Variants in RBFOX1 observed in about 807,000 individuals in gnomAD.
The protein encoded by RBFOX1 is RNA binding fox-1 homolog 1, also known as RNA binding protein fox-1 homolog 1.
In RBFOX1, 8 loss-of-function variants were observed where a neutral mutation model predicts 57.7. That is an observed-to-expected ratio of 0.14 (90% CI 0.08 to 0.25). RBFOX1 has a LOEUF of 0.25. RBFOX1 is among the 10% of genes least tolerant of loss of function. The pLI, the probability that RBFOX1 is intolerant of heterozygous loss-of-function variation, is 1.00. For synonymous variants in RBFOX1, 326 were observed against 222.4 expected (o/e 1.47, Z -4.15); for missense variants, 611 against 548.5 (o/e 1.11, Z -1.14).
At chr16:6,169,473 A>G (rs940459317) in intron 1 of RBFOX1, among the ~76,000 whole-genome samples, 1 of 152,200 alleles carries the variant, frequency 6.6e-6, no homozygotes, top group Non-Finnish European at 1.5e-5. Flanking sequence ...AATTAAATTT[A>G]AAGGAGTTAA....
intron 4 of RBFOX1, among the ~76,000 whole-genome samples, chr16:7,154,578 T>G (rs1260183549): frequency 2.0e-5 from 3 of 152,142 alleles, no homozygotes; most frequent in Non-Finnish European, 4.4e-5. Flanking sequence ...CTATTTATAT[T>G]TAAACTTGAA....
intron 1 of RBFOX1, among the ~76,000 whole-genome samples, chr16:5,344,742 AT>A (rs1200558628): frequency 1.3e-5 from 2 of 152,212 alleles, no homozygotes; most frequent in African/African-American, 4.8e-5. Flanking sequence ...GTTGAAAAAA[AT>A]ATAACTTCAT....
intron 11 of RBFOX1, among the ~76,000 whole-genome samples, chr16:7,635,233 G>A (rs965103696): frequency 2.6e-5 from 4 of 152,142 alleles, no homozygotes; most frequent in Admixed American, 1.3e-4. Context: ...GTAAATCATT[G>A]GTTCCATGAA....
intron 1 of RBFOX1, among the ~76,000 whole-genome samples, chr16:6,202,815 T>C (rs1001488711): frequency 2.6e-5 from 4 of 152,072 alleles, no homozygotes; most frequent in Non-Finnish European, 5.9e-5. Flanking sequence ...TGAGACAGGA[T>C]CTCATTCTGT....
chr16:7,459,379 A>G (rs1191395014), intron 4 of RBFOX1, among the ~76,000 whole-genome samples: 1 of 152,212 alleles, frequency 6.6e-6, no homozygotes, highest in African/African-American at 2.4e-5. Context: ...GTACAAAAGT[A>G]TGTTTGGTTC....
chr16:5,713,222 C>A (rs912522980), intron 3 of RBFOX1, among the ~76,000 whole-genome samples: 4 of 152,122 alleles, frequency 2.6e-5, no homozygotes, highest in African/African-American at 7.2e-5. Flanking sequence ...TCTTTTGTTA[C>A]TCGAGGCCAA....
intron 3 of RBFOX1, among the ~76,000 whole-genome samples, chr16:6,926,031 G>A (rs61556932): frequency 6.6e-6 from 1 of 152,008 alleles, no homozygotes; most frequent in Non-Finnish European, 1.5e-5. Context: ...CTTGCTGGCT[G>A]GGCTTGGTGG....
At chr16:7,226,055 A>G (rs1371443151) in intron 4 of RBFOX1, among the ~76,000 whole-genome samples, 1 of 151,934 alleles carries the variant, frequency 6.6e-6, no homozygotes, top group Non-Finnish European at 1.5e-5. Flanking sequence ...ATTTCATGTC[A>G]TATTCTCTCC....
intron 1 of RBFOX1, among the ~76,000 whole-genome samples, chr16:6,171,117 C>G (rs554923183): frequency 6.6e-6 from 1 of 152,080 alleles, no homozygotes; most frequent in African/African-American, 2.4e-5. Flanking sequence ...GTGATGGGAT[C>G]GCTAGATCAA....
intron 1 of RBFOX1, among the ~76,000 whole-genome samples, chr16:5,327,466 A>T (rs777043241): frequency 6.6e-6 from 1 of 152,238 alleles, no homozygotes. Flanking sequence ...ACTGGGTCCA[A>T]TTAAAAGCGT....
At chr16:7,031,865 T>G (rs1420460314) in intron 3 of RBFOX1, among the ~76,000 whole-genome samples, 1 of 152,136 alleles carries the variant, frequency 6.6e-6, no homozygotes, top group East Asian at 1.9e-4. Context: ...CACAGGGAGC[T>G]CCACTACCTT....
At chr16:7,216,194 T>C (rs2092009967) in intron 4 of RBFOX1, among the ~76,000 whole-genome samples, 1 of 152,190 alleles carries the variant, frequency 6.6e-6, no homozygotes, top group Admixed American at 6.5e-5. Context: ...GGTAGATAAT[T>C]GGGTTGTTTC....
At chr16:7,012,435 G>A (rs947744773) in intron 3 of RBFOX1, among the ~76,000 whole-genome samples, 1 of 152,158 alleles carries the variant, frequency 6.6e-6, no homozygotes, top group Non-Finnish European at 1.5e-5. Flanking sequence ...CATAGGCAAG[G>A]AGCCTTCAAT....
intron 4 of RBFOX1, among the ~76,000 whole-genome samples, chr16:7,275,756 C>T (rs1050344008): frequency 3.3e-5 from 5 of 152,146 alleles, no homozygotes; most frequent in Admixed American, 1.3e-4. Context: ...TCAAAATATC[C>T]ACTTTGTGAC....
chr16:7,202,255 T>G (rs377607541), intron 4 of RBFOX1, among the ~76,000 whole-genome samples: 2 of 146,048 alleles, frequency 1.4e-5, no homozygotes, highest in South Asian at 4.3e-4. Flanking sequence ...CAAATAAAAA[T>G]TACAATGAGA....
intron 2 of RBFOX1, among the ~76,000 whole-genome samples, chr16:6,593,255 C>T (rs1399687637): frequency 6.6e-6 from 1 of 152,130 alleles, no homozygotes; most frequent in Non-Finnish European, 1.5e-5. Context: ...TCTCTCTGCC[C>T]TACTGGATCT....
intron 1 of RBFOX1, among the ~76,000 whole-genome samples, chr16:6,031,748 G>A (rs1280167821): frequency 6.6e-6 from 1 of 152,250 alleles, no homozygotes; most frequent in Non-Finnish European, 1.5e-5. Flanking sequence ...GAGCCCAGCA[G>A]AATGAGGGTC....
At chr16:7,453,386 T>A (rs1470715615) in intron 4 of RBFOX1, among the ~76,000 whole-genome samples, 2 of 151,922 alleles carry the variant, frequency 1.3e-5, no homozygotes, top group African/African-American at 4.8e-5. Context: ...GTGGCCCAAG[T>A]CAGGTGGGGA....
chr16:7,677,681 T>A (rs1311411935), intron 14 of RBFOX1, among the ~76,000 whole-genome samples: 1 of 152,190 alleles, frequency 6.6e-6, no homozygotes, highest in African/African-American at 2.4e-5. Flanking sequence ...GACATAAATG[T>A]GAATGTTCAG....
Sources: gnomAD v4.1 joint callset for allele counts (sites outside exome capture counted in the v4.1 genomes callset) on GRCh38, gnomAD v4.1.1 for gene constraint, MANE v1.5 for transcripts, NCBI Gene and HGNC (gene_info 2026-07-23, HGNC 2026-07-21) for gene names.